SMYD5: variants seen among roughly 807,000 people sequenced by gnomAD.
SMYD5 encodes SMYD family member 5, also known as protein-lysine N-trimethyltransferase SMYD5.
In SMYD5, 35 loss-of-function variants were observed where a neutral mutation model predicts 57.4. The ratio of observed to expected loss-of-function variants is 0.61; its 90% confidence interval spans 0.47 to 0.81. The LOEUF is 0.81. SMYD5 is among the 30% of genes least tolerant of loss of function. The pLI is 0.00. For missense variants in SMYD5, 471 were observed against 527.9 expected (o/e 0.89, Z 1.06); for synonymous variants, 198 against 189.7 (o/e 1.04, Z -0.36).
chr2:73,222,570 G>A (rs1686415828), intron 6 of SMYD5, among the ~76,000 whole-genome samples, 185 bp from the exon 7 acceptor site: 1 of 152,214 alleles, frequency 6.6e-6, no homozygotes, highest in African/African-American at 2.4e-5. Context: ...CCCCGGGTTG[G>A]AACAGGCCGG....
intron 1 of SMYD5, chr2:73,214,783 A>G: frequency 8.4e-6 from 11 of 1,311,976 alleles, no homozygotes; most frequent in Non-Finnish European, 1.1e-5. Context: ...AAGATCCTTC[A>G]CGAGGGTCCT....
Position 73,220,036 on chromosome 2 carries a change from G to T in SMYD5, c.206-15G>T. 6.2e-7 allele frequency: 1 copy of T among 1,614,158 alleles called. No individual in the cohort carries two copies. Among genetic ancestry groups the T allele is most frequent in the Non-Finnish European group, 8.5e-7 (1 of 1,179,970 alleles). On this transcript the variant is annotated splice_polypyrimidine_tract_variant and intron_variant, in intron 2 of 12. Coordinates refer to ENST00000389501, the MANE Select transcript of SMYD5 (RefSeq NM_006062.3). ...CTGCTCTCAAGATATTGTTGTGTCT[G>T]GCTCTCACCGTCAGCCTGTGACCAC...
At chr2:73,222,449 T>C (rs952381332) in intron 6 of SMYD5, among the ~76,000 whole-genome samples, 8 of 152,206 alleles carry the variant, frequency 5.3e-5, no homozygotes, top group African/African-American at 1.7e-4. Flanking sequence ...CCAGCTGGTC[T>C]GGAGGCCAGG....
chr2:73,221,089 C>G (rs764250970), intron 4 of SMYD5, 76 bp from the exon 5 acceptor site: 2 of 1,296,246 alleles, frequency 1.5e-6, no homozygotes. Flanking sequence ...TTTCTCTGTA[C>G]CAGTCAGACT....
In SMYD5 at chr2:73,223,963, T is replaced by C. The variant is rs1302596830; in HGVS notation, c.900T>C (p.Leu300=). Residue 300 remains leucine, a synonymous_variant, in exon 10 of 13, where the codon CTT becomes CTC. Coordinates refer to ENST00000389501, the MANE Select transcript of SMYD5 (RefSeq NM_006062.3). ...GTCTTACAGCAACTGGAGAGTTTCT[T>C]AACTGTGAAGGATCTGGCCTCTTTG... is the stretch of plus-strand genomic sequence containing the variant. ...KDIEAATGEF[L]NCEGSGLFVL... 6.2e-7 allele frequency: 1 copy of C among 1,614,148 alleles called. No homozygotes were observed. The highest frequency in any genetic ancestry group is 1.1e-5 in the South Asian group (1 of 91,086).
chr2:73,223,494 A>G lies in SMYD5; in HGVS notation c.845A>G (p.Asp282Gly). 1 of 1,614,002 alleles carries G rather than the reference A, an allele frequency of 6.2e-7. No individual in the cohort carries two copies. Among genetic ancestry groups the G allele is most frequent in the South Asian group, 1.1e-5 (1 of 91,074 alleles). ...AAGCCTCAGGACCGTGAGCAGCTTG[A>G]CGCCTTCATTGACCAGCTATACAAG... Reference protein sequence around the residue: ...ELKPQDREQLDAFIDQLYKDI... With the variant: ...ELKPQDREQLGAFIDQLYKDI... Residue 282 changes from aspartate to glycine, a missense_variant, in exon 9 of 13, where the codon GAC (aspartate) becomes GGC (glycine). Asp to Gly is a moderately conservative substitution (Grantham distance 94). Coordinates refer to ENST00000389501, the MANE Select transcript of SMYD5 (RefSeq NM_006062.3).
chr2:73,223,484 G>A lies in SMYD5; in HGVS notation c.835G>A (p.Glu279Lys). The change falls in exon 9 of 13, where the codon GAG becomes AAG. Residue 279 changes from glutamate (E) to lysine (K), a missense_variant. Transcript: ENST00000389501. ...TCTGGAGTTGAAGCCTCAGGACCGT[G>A]AGCAGCTTGACGCCTTCATTGACCA... ...DTLELKPQDREQLDAFIDQLY... is the reference protein window; with the variant it reads ...DTLELKPQDRKQLDAFIDQLY... The A allele has an allele frequency of 1.2e-6, 2 of 1,614,166 alleles. No individual in the cohort carries two copies. Among genetic ancestry groups the A allele is most frequent in the Non-Finnish European group, 1.7e-6 (2 of 1,180,016 alleles).
intron 4 of SMYD5, 27 bp downstream of exon 4, chr2:73,220,809 C>T (rs1361142814): frequency 6.2e-7 from 1 of 1,611,492 alleles, no homozygotes; most frequent in African/African-American, 1.3e-5. Context: ...CTCTTCTTTC[C>T]TTTATCCTTT....
At chr2:73,223,684 C>A (rs1686448015) in intron 9 of SMYD5, 152 bp downstream of exon 9, 1 of 684,778 alleles carries the variant, frequency 1.5e-6, no homozygotes, top group Non-Finnish European at 2.6e-6. Flanking sequence ...GTCCACAGGG[C>A]ACACAGGTGA....
intron 9 of SMYD5, 108 bp from the exon 10 acceptor site, chr2:73,223,839 T>C (rs2103720499): frequency 2.0e-6 from 2 of 993,226 alleles, no homozygotes; most frequent in Admixed American, 1.7e-5. Flanking sequence ...TGCCTTAGTG[T>C]GGTGGGGTTG....
chr2:73,219,696 G>A (rs1322715051), intron 2 of SMYD5, among the ~76,000 whole-genome samples: 1 of 152,184 alleles, frequency 6.6e-6, no homozygotes, highest in Non-Finnish European at 1.5e-5. Context: ...CATTTCTTAA[G>A]CTAGAGAGAC....
At chr2:73,223,676 C>G in intron 9 of SMYD5, 144 bp downstream of exon 9, 1 of 696,724 alleles carries the variant, frequency 1.4e-6, no homozygotes, top group Non-Finnish European at 2.6e-6. Context: ...TCAGATCTGT[C>G]CACAGGGCAC....
Position 73,223,428 on chromosome 2 carries a change from C to T in SMYD5, c.779C>T (p.Ser260Phe). ...GTNGQGIGTS[S>F]LSQWVHACDT... ...ATGGGCTGCCTGGGACCCCCCAGCT[C>T]CCTAAGCCAGTGGGTCCATGCCTGT... Residue 260 changes from serine to phenylalanine, a missense_variant and splice_region_variant, in exon 9 of 13, where the codon TCC becomes TTC. Transcript: ENST00000389501. 6.2e-7 allele frequency: 1 copy of T among 1,611,718 alleles called. No individual in the cohort carries two copies.
At chr2:73,219,725 G>T (rs1187852769) in intron 2 of SMYD5, among the ~76,000 whole-genome samples, 8 of 152,210 alleles carry the variant, frequency 5.3e-5, no homozygotes, top group Admixed American at 4.6e-4. Flanking sequence ...AGGAGGGTCA[G>T]TTGGCCCCAG....
Position 73,218,989 on chromosome 2 carries a change from T to A in SMYD5, c.205+20T>A, listed in dbSNP as rs1456545395. 13 of 1,543,970 alleles carry A rather than the reference T, an allele frequency of 8.4e-6. No individual in the cohort carries two copies. The highest frequency in any genetic ancestry group is 1.1e-5 in the Non-Finnish European group (12 of 1,115,758). On this transcript the variant is annotated intron_variant, in intron 2 of 12. Transcript: ENST00000389501. The stretch of plus-strand genomic sequence containing the variant: ...ACCGAGGTGAGTACATCTCTCCTAC[T>A]CCTCATGGCCCAGTCGTCTTTGTGC...
At chr2:73,221,432 CTTTTTTTTTT>C (rs57627686) in intron 5 of SMYD5, among the ~76,000 whole-genome samples, 198 bp downstream of exon 5, 2 of 128,496 alleles carry the variant, frequency 1.6e-5, no homozygotes, top group African/African-American at 5.7e-5. Context: ...TGCCTGTAGT[CTTTTTTTTTT>C]TTTTTTTTGT....
At chr2:73,216,438 C>T (rs1686294178) in intron 1 of SMYD5, among the ~76,000 whole-genome samples, 2 of 151,612 alleles carry the variant, frequency 1.3e-5, no homozygotes, top group Admixed American at 1.3e-4. Context: ...CACCTGTAAT[C>T]CCAGCACTTT....
chr2:73,223,683 G>A (rs1357864595), intron 9 of SMYD5, 151 bp downstream of exon 9: 11 of 684,618 alleles, frequency 1.6e-5, no homozygotes, highest in Admixed American at 1.6e-4. Context: ...TGTCCACAGG[G>A]CACACAGGTG....
intron 6 of SMYD5, among the ~76,000 whole-genome samples, 177 bp from the exon 7 acceptor site, chr2:73,222,578 C>T (rs954766213): frequency 3.3e-5 from 5 of 152,170 alleles, no homozygotes; most frequent in East Asian, 1.9e-4. Flanking sequence ...TGGAACAGGC[C>T]GGCAGACTGC....
Sources: allele counts gnomAD v4.1 joint callset (sites outside exome capture counted in the v4.1 genomes callset), GRCh38; gene constraint gnomAD v4.1.1; transcripts MANE v1.5; gene names NCBI Gene and HGNC (gene_info 2026-07-23, HGNC 2026-07-21).